The following TM6SF1 variants were observed in gnomAD, a reference collection of about 807,000 sequenced individuals.
TM6SF1 encodes transmembrane 6 superfamily member 1.
Under a neutral mutation model 47.1 loss-of-function variants are expected in TM6SF1, and 43 were observed. The ratio of observed to expected loss-of-function variants is 0.91; its 90% CI spans 0.72 to 1.18. The LOEUF (loss-of-function observed/expected upper bound fraction) is 1.18, where lower values mean the gene tolerates loss of function less well. Ranked by LOEUF, TM6SF1 falls within the 50% of genes most tolerant of loss-of-function variation. The probability of loss-of-function intolerance (pLI) is 0.00; values close to 1 mark genes in which losing one functional copy is unlikely to be tolerated. For missense variants in TM6SF1, 390 were observed against 449.0 expected, an observed-to-expected ratio of 0.87 and a Z score of 1.19; for synonymous variants, 177 against 166.3, an observed-to-expected ratio of 1.06 and a Z score of -0.49.
rs1420250234 is a variant in TM6SF1, at chr15:83,107,893, G to A, written c.92+121G>A. On this transcript the variant is annotated intron_variant, in intron 1 of 9. Transcript: ENST00000322019. The surrounding 1 kb of genome is among the most constrained non-coding windows in gnomAD (Gnocchi z 5.6). ...CGTCCGCCGCGGGACAGAGGTTCGTGGCCGCAGGGGCTCCCCGCGCCTGGC... is the reference window on the plus strand; with the variant it reads ...CGTCCGCCGCGGGACAGAGGTTCGTAGCCGCAGGGGCTCCCCGCGCCTGGC... The A allele has an allele frequency of 1.9e-5, 25 of 1,319,502 alleles. No homozygotes were observed. The highest frequency in any genetic ancestry group is 2.4e-5 in the Non-Finnish European group (25 of 1,034,064). The allele number at this position is 1,319,502 out of a possible 1,614,324, so 81.7% of individuals were successfully genotyped here.
rs560936530 is a variant in TM6SF1, at chr15:83,126,968, T to G, written c.801+121T>G. ...AGCACTTTGGGAGGCCGAGGCAGGTTGATCACGAGGTCAGGAGTTTGAAAC... is the reference window on the plus strand; with the variant it reads ...AGCACTTTGGGAGGCCGAGGCAGGTGGATCACGAGGTCAGGAGTTTGAAAC... On this transcript the variant is annotated intron_variant, in intron 8 of 9. Coordinates refer to ENST00000322019, the MANE Select transcript of TM6SF1 (RefSeq NM_023003.5). The G allele has an allele frequency of 3.3e-3, 2,397 of 717,748 alleles. 7 individuals are homozygous for G. The highest frequency in any genetic ancestry group is 4.7e-3 in the Non-Finnish European group (2,080 of 438,850). The allele number at this position is 717,748 out of a possible 1,614,324, so 44.5% of individuals were successfully genotyped here. A position where few individuals can be genotyped will look rare whatever the true frequency, so the allele number is the denominator to read the frequency against.
chr15:83,134,848 A>T (rs1048237033), intron 9 of TM6SF1: 2 of 152,236 alleles, frequency 1.3e-5, no homozygotes, highest in Non-Finnish European at 2.9e-5. Context: ...AACAGGCCCT[A>T]AGGAAAAACA....
intron 9 of TM6SF1, chr15:83,130,457 A>G (rs141308231): frequency 6.6e-6 from 1 of 152,358 alleles, no homozygotes; most frequent in Non-Finnish European, 1.5e-5. Context: ...TGCCCAGTTG[A>G]TAAGGCAGCC....
intron 3 of TM6SF1, among the ~76,000 whole-genome samples, chr15:83,118,621 T>C (rs184800321): frequency 6.6e-6 from 1 of 152,264 alleles, no homozygotes; most frequent in Admixed American, 6.5e-5. Context: ...CAGGGGAGCA[T>C]GAAGCTTAAG....
At chr15:83,128,211 CTG>C (rs1273307819) in intron 9 of TM6SF1, 1 of 152,212 alleles carries the variant, frequency 6.6e-6, no homozygotes, top group Non-Finnish European at 1.5e-5. Context: ...CATCTAGAAA[CTG>C]TAGGCTTGTA....
At chr15:83,125,021 G>C (rs1014094847) in intron 7 of TM6SF1, among the ~76,000 whole-genome samples, 1 of 151,894 alleles carries the variant, frequency 6.6e-6, no homozygotes, top group African/African-American at 2.4e-5. Context: ...CCCGTTTTAG[G>C]GCATCTAAAA....
intron 4 of TM6SF1, 165 bp downstream of exon 4, chr15:83,119,846 G>C: frequency 9.3e-7 from 1 of 1,078,474 alleles, no homozygotes; most frequent in Non-Finnish European, 1.3e-6. Flanking sequence ...TTGTACCACT[G>C]CCTTTTGAAT....
At chr15:83,112,459 G>A (rs564716943) in intron 1 of TM6SF1, among the ~76,000 whole-genome samples, 26 of 152,292 alleles carry the variant, frequency 1.7e-4, no homozygotes, top group Admixed American at 8.5e-4. Context: ...TTAGAGGAAC[G>A]TGTAAGTGGA....
chr15:83,111,036 A>G (rs985462422), intron 1 of TM6SF1, among the ~76,000 whole-genome samples: 1 of 151,982 alleles, frequency 6.6e-6, no homozygotes, highest in Non-Finnish European at 1.5e-5. Flanking sequence ...TCGCCTGGCT[A>G]ATTTTTTGTA....
At chr15:83,124,813 T>C in intron 7 of TM6SF1, 37 bp downstream of exon 7, 2 of 1,474,766 alleles carry the variant, frequency 1.4e-6, no homozygotes, top group Non-Finnish European at 9.4e-7. Flanking sequence ...AACATTGTGA[T>C]ACTACTCACA....
At position 83,112,866 on chromosome 15, in the gene TM6SF1, C is replaced by G; in HGVS notation, c.162C>G (p.Val54=). 1 of 1,614,120 alleles carries G rather than the reference C, an allele frequency of 6.2e-7. No individual in the cohort carries two copies. Among genetic ancestry groups the G allele is most frequent in the East Asian group, 2.2e-5 (1 of 44,878 alleles). The part of the protein sequence containing the change: ...FLVALLARVL[V]KRKPPRDPLF... ...TAGCACTGCTGGCTCGTGTCCTCGT[C>G]AAAAGAAAACCACCCCGGGACCCAC... is the stretch of plus-strand genomic sequence containing the variant. Residue 54 remains valine, a synonymous_variant, in exon 2 of 10, where the codon GTC becomes GTG. Transcript: ENST00000322019.
chr15:83,119,813 C>T (rs1345872792), intron 4 of TM6SF1, 132 bp downstream of exon 4: 34 of 1,420,564 alleles, frequency 2.4e-5, no homozygotes, highest in Non-Finnish European at 2.6e-5. Flanking sequence ...CATGGGTGCA[C>T]GTCAGACGTG....
Position 83,137,317 on chromosome 15 carries a change from T to C in TM6SF1, c.*645T>C, listed in dbSNP as rs895910014. 1 of 152,182 alleles carries C rather than the reference T, an allele frequency of 6.6e-6. No individual in the cohort carries two copies. The highest frequency in any genetic ancestry group is 2.4e-5 in the African/African-American group (1 of 41,456). The allele number at this position is 152,182 out of a possible 1,614,324, so 9.4% of individuals were successfully genotyped here. ...TTGGTGGCTGGAAATATTTCTATTGTATTTCTGTGTATATTTTTAATAAAA... is the reference window on the plus strand; with the variant it reads ...TTGGTGGCTGGAAATATTTCTATTGCATTTCTGTGTATATTTTTAATAAAA... On this transcript the variant is annotated 3_prime_UTR_variant, in exon 10 of 10. Transcript: ENST00000322019.
chr15:83,136,608 C>A lies in TM6SF1; in HGVS notation c.1049C>A (p.Ala350Asp). ...IAYGVLPQLL[A>D]YRCIYKPEFF... is the part of the protein sequence containing the mutation. Reference sequence around the variant, plus strand: ...TATGGAGTTCTTCCTCAGCTCTTGGCCTATCGTTGTATCTACAAACCAGAG... The same window carrying A: ...TATGGAGTTCTTCCTCAGCTCTTGGACTATCGTTGTATCTACAAACCAGAG... Residue 350 changes from alanine to aspartate, a missense_variant, in exon 10 of 10, where the codon GCC (alanine) becomes GAC (aspartate). By Grantham distance (126) the Ala-to-Asp change is moderately radical (BLOSUM62 -2). Transcript: ENST00000322019. 6.2e-7 allele frequency: 1 copy of A among 1,612,624 alleles called. No homozygotes were observed. The highest frequency in any genetic ancestry group is 1.7e-5 in the Admixed American group (1 of 59,732).
At chr15:83,121,800 AAT>A (rs2035277186) in intron 4 of TM6SF1, 119 bp from the exon 5 acceptor site, 12 of 730,278 alleles carry the variant, frequency 1.6e-5, no homozygotes, top group South Asian at 3.7e-5. Context: ...CTCTCAATTC[AAT>A]ATGTTTTGAT....
Position 83,121,914 on chromosome 15 carries a change from G to A in TM6SF1, c.399-7G>A, listed in dbSNP as rs368217801. The A allele has an allele frequency of 6.3e-7, 1 of 1,592,188 alleles. No individual in the cohort carries two copies. The highest frequency in any genetic ancestry group is 8.5e-7 in the Non-Finnish European group (1 of 1,173,884). On this transcript the variant is annotated splice_polypyrimidine_tract_variant and splice_region_variant and intron_variant, in intron 4 of 9. Transcript: ENST00000322019. Reference sequence around the variant, plus strand: ...AAGTCAAGATTTTTTTGTTGTTGTTGTTACAGGGAAACTTATAGAACCATT... The same window carrying A: ...AAGTCAAGATTTTTTTGTTGTTGTTATTACAGGGAAACTTATAGAACCATT...
At chr15:83,131,896 C>T (rs1353472850) in intron 9 of TM6SF1, 1 of 152,076 alleles carries the variant, frequency 6.6e-6, no homozygotes, top group Admixed American at 6.6e-5. Context: ...TGCTTAGATC[C>T]ACTTATTAGC....
Position 83,121,232 on chromosome 15 carries a change from A to T in TM6SF1, c.399-689A>T, listed in dbSNP as rs140917511. Among the ~76,000 whole-genome samples, 1,409 of 149,660 alleles carry T rather than the reference A, an allele frequency of 9.4e-3. 13 individuals are homozygous for T. The highest frequency in any genetic ancestry group is 0.016 in the Non-Finnish European group (1,073 of 67,496). On this transcript the variant is annotated intron_variant, in intron 4 of 9. Transcript: ENST00000322019. Reference sequence around the variant, plus strand: ...ATTACAGGTGCATGCCACCATGCCCAGCTAATTTTTTTTTTTTTTTTGTAC... The same window carrying T: ...ATTACAGGTGCATGCCACCATGCCCTGCTAATTTTTTTTTTTTTTTTGTAC...
Position 83,119,653 on chromosome 15 carries a change from C to G in TM6SF1, c.370C>G (p.Leu124Val). The change falls in exon 4 of 10, where the codon CTG (leucine) becomes GTG (valine). Residue 124 changes from leucine to valine, a missense_variant. Coordinates refer to ENST00000322019, the MANE Select transcript of TM6SF1 (RefSeq NM_023003.5). ...WDGSAHYLMY[L>V]VMVAAIAWEE... ...TGGCTCTGCTCATTATCTGATGTAC[C>G]TGGTGATGGTGGCAGCCATAGCATG... The G allele has an allele frequency of 6.2e-7, 1 of 1,614,164 alleles. No homozygotes were observed.
Sources: allele counts gnomAD v4.1 joint callset (sites outside exome capture counted in the v4.1 genomes callset), GRCh38; gene constraint gnomAD v4.1.1; non-coding constraint Gnocchi (gnomAD v3.1); transcripts MANE v1.5; gene names NCBI Gene and HGNC (gene_info 2026-07-23, HGNC 2026-07-21).